KLHL2: variants seen among roughly 807,000 people sequenced by gnomAD.
The protein encoded by KLHL2 is kelch-like protein 2.
In KLHL2, 15 loss-of-function variants were observed where a neutral mutation model predicts 75.8. That is an observed-to-expected ratio of 0.20 (90% CI 0.13 to 0.30). The LOEUF (loss-of-function observed/expected upper bound fraction) is 0.30. Among genes scored for constraint, KLHL2 ranks in the 10% least tolerant of loss-of-function variants. The pLI is 1.00. For synonymous variants in KLHL2, 214 were observed against 251.9 expected (o/e 0.85, Z 1.42); for missense variants, 381 against 741.0 (o/e 0.51, Z 5.64).
In KLHL2 at chr4:165,215,813, A is replaced by G. The variant is rs182393633; in HGVS notation, c.27-4121A>G. 1.6e-4 allele frequency among the ~76,000 whole-genome samples: 24 copies of G among 152,212 alleles called. No homozygotes were observed. The East Asian group carries it at 4.4e-3, about 28-fold the overall frequency. On this transcript the variant is annotated intron_variant, in intron 1 of 14. Transcript: ENST00000226725. ...AGGTGGGAGGTAAGTTGGTGGCAGG[A>G]CATATTACATGACTTTTGTTATTAT...
In KLHL2 at chr4:165,297,674, A is replaced by G. The variant is rs1025989808; in HGVS notation, c.720A>G (p.Arg240=). Residue 240 remains arginine, a synonymous_variant, in exon 7 of 15, where the codon CGA becomes CGG. Coordinates refer to ENST00000226725, the MANE Select transcript of KLHL2 (RefSeq NM_007246.4). ...ATGTGAGGCAAGAGTTTATGGCCCG[A>G]CTGATGGAACATGTACGGTTACCTT... ...DKDVRQEFMA[R]LMEHVRLPLL... is the part of the protein sequence containing the mutation. 2.5e-6 allele frequency: 4 copies of G among 1,614,040 alleles called. No individual in the cohort carries two copies. In the South Asian group the frequency reaches 3.3e-5, roughly 13 times the overall value.
chr4:165,257,630 G>T (rs1741293243), intron 4 of KLHL2, among the ~76,000 whole-genome samples: 1 of 152,212 alleles, frequency 6.6e-6, no homozygotes, highest in African/African-American at 2.4e-5. Context: ...TAGGCTACAA[G>T]AAGTGTCTGG....
intron 4 of KLHL2, among the ~76,000 whole-genome samples, chr4:165,259,744 C>T (rs544495246): frequency 1.2e-4 from 18 of 152,274 alleles, no homozygotes; most frequent in African/African-American, 4.3e-4. Flanking sequence ...AGAAATTATA[C>T]AAATACTTCC....
At chr4:165,214,024 C>T (rs1011873034) in intron 1 of KLHL2, among the ~76,000 whole-genome samples, 1 of 152,094 alleles carries the variant, frequency 6.6e-6, no homozygotes, top group African/African-American at 2.4e-5. Flanking sequence ...TATAAGTAGT[C>T]TGAAGCCCAG....
At chr4:165,247,126 A>C (rs1740322409) in intron 4 of KLHL2, among the ~76,000 whole-genome samples, 1 of 152,176 alleles carries the variant, frequency 6.6e-6, no homozygotes, top group Non-Finnish European at 1.5e-5. Flanking sequence ...GTGTCATTAC[A>C]TTCGTTTGCC....
chr4:165,321,162 C>A (rs774160094), intron 14 of KLHL2: 2 of 427,266 alleles, frequency 4.7e-6, no homozygotes, highest in South Asian at 1.7e-5. Flanking sequence ...AAAAGTCAGA[C>A]AGGAATTAAC....
chr4:165,232,500 G>T (rs1156665668), intron 3 of KLHL2, among the ~76,000 whole-genome samples: 1 of 152,026 alleles, frequency 6.6e-6, no homozygotes, highest in Non-Finnish European at 1.5e-5. Flanking sequence ...GGAGGCCGAG[G>T]TGGCAGAATT....
In KLHL2 at chr4:165,291,803, A is replaced by G. The variant is rs72995993; in HGVS notation, c.545-2556A>G. 3.6e-3 allele frequency among the ~76,000 whole-genome samples: 542 copies of G among 151,944 alleles called. 4 individuals are homozygous for G. The highest frequency in any genetic ancestry group is 0.013 in the African/African-American group (523 of 41,476). ...ATGGGGTAGTATTTGCATACAGCCTACTCACATCCTCCCGTATACTTTATT... is the reference window on the plus strand; with the variant it reads ...ATGGGGTAGTATTTGCATACAGCCTGCTCACATCCTCCCGTATACTTTATT... On this transcript the variant is annotated intron_variant, in intron 5 of 14. Transcript: ENST00000226725.
At chr4:165,307,304 T>C (rs2126548396) in intron 9 of KLHL2, among the ~76,000 whole-genome samples, 1 of 152,214 alleles carries the variant, frequency 6.6e-6, no homozygotes, top group Non-Finnish European at 1.5e-5. Flanking sequence ...TGAGACTCCG[T>C]CTCAAAAAAC....
At chr4:165,216,272 G>T (rs552860462) in intron 1 of KLHL2, among the ~76,000 whole-genome samples, 4 of 152,270 alleles carry the variant, frequency 2.6e-5, no homozygotes, top group Non-Finnish European at 4.4e-5. Flanking sequence ...GGAATTTGCA[G>T]AAGTCAGTCA....
At chr4:165,311,960 T>C (rs1397598084) in intron 11 of KLHL2, among the ~76,000 whole-genome samples, 1 of 152,086 alleles carries the variant, frequency 6.6e-6, no homozygotes, top group Non-Finnish European at 1.5e-5. Context: ...AAGACAATTT[T>C]TCCATGGACA....
At chr4:165,238,709 C>T in intron 3 of KLHL2, 69 bp from the exon 4 acceptor site, 5 of 1,596,784 alleles carry the variant, frequency 3.1e-6, no homozygotes, top group Non-Finnish European at 4.3e-6. Context: ...ATGTATCAAT[C>T]TACATTGGCA....
chr4:165,217,459 TAC>T (rs1737628182), intron 1 of KLHL2, among the ~76,000 whole-genome samples: 1 of 152,206 alleles, frequency 6.6e-6, no homozygotes, highest in Non-Finnish European at 1.5e-5. Flanking sequence ...ACTAATTCCC[TAC>T]ACACACACCT....
At chr4:165,262,466 C>A (rs1260423260) in intron 4 of KLHL2, among the ~76,000 whole-genome samples, 2 of 152,202 alleles carry the variant, frequency 1.3e-5, no homozygotes, top group African/African-American at 4.8e-5. Context: ...TGGGGCCACT[C>A]CTTCCCCACA....
chr4:165,312,201 A>T (rs1490594618), intron 11 of KLHL2, among the ~76,000 whole-genome samples: 1 of 152,138 alleles, frequency 6.6e-6, no homozygotes, highest in African/African-American at 2.4e-5. Context: ...GGTTCCTAAC[A>T]GGTTCCAGAC....
intron 4 of KLHL2, among the ~76,000 whole-genome samples, chr4:165,254,259 A>G (rs542542483): frequency 1.8e-4 from 27 of 152,314 alleles, no homozygotes; most frequent in African/African-American, 5.8e-4. Context: ...ATACTTTAGA[A>G]ATGTTAGTTA....
chr4:165,243,276 TG>T (rs1174978342), intron 4 of KLHL2, among the ~76,000 whole-genome samples: 1 of 152,230 alleles, frequency 6.6e-6, no homozygotes, highest in East Asian at 1.9e-4. Flanking sequence ...TTTGGGTATT[TG>T]TTTTGGCTTC....
chr4:165,245,364 T>C, intron 4 of KLHL2, among the ~76,000 whole-genome samples: 1 of 152,204 alleles, frequency 6.6e-6, no homozygotes, highest in Non-Finnish European at 1.5e-5. Context: ...ACTCTTAGGC[T>C]GATGGCAGTG....
intron 4 of KLHL2, among the ~76,000 whole-genome samples, chr4:165,260,584 G>T (rs1422774109): frequency 5.3e-5 from 8 of 151,668 alleles, no homozygotes; most frequent in Non-Finnish European, 1.2e-4. Context: ...GTGTGGGGGG[G>T]GTGTATATGT....
Sources: gnomAD v4.1 joint callset for allele counts (sites outside exome capture counted in the v4.1 genomes callset) on GRCh38, gnomAD v4.1.1 for gene constraint, MANE v1.5 for transcripts, NCBI Gene and HGNC (gene_info 2026-07-23, HGNC 2026-07-21) for gene names.